The following ZNF638 variants were observed in gnomAD, a reference collection of about 807,000 sequenced individuals.
ZNF638 encodes zinc finger protein 638.
Under a neutral mutation model 195.6 loss-of-function variants are expected in ZNF638, and 46 were observed. The observed-to-expected ratio is 0.24, with a 90% CI of 0.19 to 0.30. The LOEUF (loss-of-function observed/expected upper bound fraction) is 0.30, where lower values mean the gene tolerates loss of function less well. Ranked by LOEUF, ZNF638 falls within the 10% of genes least tolerant of loss-of-function variation. The pLI is 1.00. For synonymous variants in ZNF638, 845 were observed against 772.0 expected (o/e 1.09, Z -1.57); for missense variants, 2,440 against 2,325.3 (o/e 1.05, Z -1.01).
intron 8 of ZNF638, among the ~76,000 whole-genome samples, chr2:71,377,496 T>C (rs2079452714): frequency 6.6e-6 from 1 of 152,118 alleles, no homozygotes; most frequent in Admixed American, 6.5e-5. Context: ...TTACAGAAAA[T>C]CTAATGAATT....
intron 8 of ZNF638, among the ~76,000 whole-genome samples, chr2:71,372,001 G>C (rs961902117): frequency 1.3e-5 from 2 of 152,174 alleles, no homozygotes; most frequent in African/African-American, 4.8e-5. Context: ...CCTGGAGAGA[G>C]AGTTCCTCCA....
chr2:71,420,816 A>G (rs1376915191), intron 21 of ZNF638, among the ~76,000 whole-genome samples: 1 of 152,212 alleles, frequency 6.6e-6, no homozygotes, highest in Non-Finnish European at 1.5e-5. Context: ...TTTTTCCCAT[A>G]TTAGCCAGAA....
At chr2:71,358,565 G>A (rs746494529) in intron 3 of ZNF638, among the ~76,000 whole-genome samples, 1 of 152,188 alleles carries the variant, frequency 6.6e-6, no homozygotes, top group African/African-American at 2.4e-5. Context: ...CTATTGTGGG[G>A]CTTAAGGGTT....
Position 71,426,977 on chromosome 2 carries a change from C to A in ZNF638, c.5108C>A (p.Ala1703Asp). 1 of 1,611,966 alleles carries A rather than the reference C, an allele frequency of 6.2e-7. No homozygotes were observed. The highest frequency in any genetic ancestry group is 8.5e-7 in the Non-Finnish European group (1 of 1,179,242). Residue 1703 changes from alanine to aspartate, a missense_variant, in exon 24 of 28, where the codon GCC (alanine) becomes GAC (aspartate). Ala to Asp is a moderately radical substitution (Grantham distance 126). This residue lies in a region of ZNF638 where 1,883 missense variants were observed against 1,739.1 expected (regional missense o/e 1.08). Transcript: ENST00000264447. Reference protein sequence around the residue: ...PLNESADITFATLNTKGNEGD... With the variant: ...PLNESADITFDTLNTKGNEGD... ...AATGAGTCAGCAGACATAACTTTTG[C>A]CACTTTAAATACTAAAGGAAATGAA...
intron 3 of ZNF638, among the ~76,000 whole-genome samples, chr2:71,362,172 C>G (rs2079120532): frequency 6.6e-6 from 1 of 152,088 alleles, no homozygotes; most frequent in Non-Finnish European, 1.5e-5. Context: ...ACTAGTTTTT[C>G]CGTGATTGCT....
In ZNF638 at chr2:71,386,957, TC is replaced by T. The variant is rs540374176; in HGVS notation, c.2377+6394del. Among the ~76,000 whole-genome samples, 568 of 152,136 alleles carry T rather than the reference TC, an allele frequency of 3.7e-3. 3 individuals carry two copies. Among genetic ancestry groups the T allele is most frequent in the African/African-American group, 0.013 (536 of 41,500 alleles). ...CCACCTCCCAGGTTCAAGTGCTTCT[TC>T]CACCTCATCCTCCTGAGTAGCTGGT... On this transcript the variant is annotated intron_variant, in intron 10 of 27. Coordinates refer to ENST00000264447, the MANE Select transcript of ZNF638 (RefSeq NM_014497.5).
chr2:71,350,345 C>G, intron 2 of ZNF638, 74 bp downstream of exon 2: 1 of 1,426,472 alleles, frequency 7.0e-7, no homozygotes, highest in Non-Finnish European at 9.5e-7. Context: ...GATATGTATG[C>G]TGCTTGTTAA....
intron 2 of ZNF638, among the ~76,000 whole-genome samples, chr2:71,354,973 T>G (rs967259858): frequency 5.3e-5 from 8 of 152,034 alleles, no homozygotes; most frequent in African/African-American, 1.9e-4. Flanking sequence ...TTTATTTTTA[T>G]TTTTATTTTT....
chr2:71,400,527 T>G lies in ZNF638; in HGVS notation c.2697+9T>G. On this transcript the variant is annotated intron_variant, in intron 15 of 27. Coordinates refer to ENST00000264447, the MANE Select transcript of ZNF638 (RefSeq NM_014497.5). ...ATGAACCACTTAACAAGGTCAGTTT[T>G]CATGTTTTATTTATTTCTTTAAAGC... is the stretch of plus-strand genomic sequence containing the variant. 6.3e-7 allele frequency: 1 copy of G among 1,595,646 alleles called. No homozygotes were observed. Among genetic ancestry groups the G allele is most frequent in the East Asian group, 2.3e-5 (1 of 44,308 alleles).
intron 20 of ZNF638, 30 bp from the exon 21 acceptor site, chr2:71,418,572 G>A: frequency 6.8e-7 from 1 of 1,465,414 alleles, no homozygotes; most frequent in Non-Finnish European, 9.1e-7. Flanking sequence ...CAGTGGAATA[G>A]CCTCTAATAA....
At chr2:71,419,168 C>T (rs1422583767) in intron 21 of ZNF638, among the ~76,000 whole-genome samples, 4 of 152,154 alleles carry the variant, frequency 2.6e-5, no homozygotes, top group Non-Finnish European at 5.9e-5. Context: ...AAACTGGTGA[C>T]TTACAGCCTT....
chr2:71,402,670 T>C (rs1431955110), intron 16 of ZNF638, among the ~76,000 whole-genome samples: 1 of 152,196 alleles, frequency 6.6e-6, no homozygotes, highest in Non-Finnish European at 1.5e-5. Flanking sequence ...AAATTTTCTA[T>C]AAGCATCTGT....
In ZNF638 at chr2:71,348,866, A is replaced by G; in HGVS notation, c.-89A>G. 6.2e-7 allele frequency: 1 copy of G among 1,612,798 alleles called. No individual in the cohort carries two copies. The highest frequency in any genetic ancestry group is 8.5e-7 in the Non-Finnish European group (1 of 1,179,902). ...TTGCACTTTGCTCAGATTAAGACTCAGTTGGCGCTTCAGCAGCTGAATGCC... is the reference window on the plus strand; with the variant it reads ...TTGCACTTTGCTCAGATTAAGACTCGGTTGGCGCTTCAGCAGCTGAATGCC... On this transcript the variant is annotated 5_prime_UTR_variant, in exon 2 of 28. Transcript: ENST00000264447.
intron 8 of ZNF638, among the ~76,000 whole-genome samples, chr2:71,377,915 T>TG (rs1366646013): frequency 6.6e-6 from 1 of 152,220 alleles, no homozygotes; most frequent in Non-Finnish European, 1.5e-5. Flanking sequence ...AAGAGTTGGG[T>TG]GGGAAAAAGA....
At chr2:71,380,376 C>T (rs373113374) in intron 9 of ZNF638, 96 bp downstream of exon 9, 8 of 1,111,194 alleles carry the variant, frequency 7.2e-6, no homozygotes, top group Non-Finnish European at 3.8e-6. Flanking sequence ...TATTTTATCA[C>T]TATAACTATA....
rs1266918382 is a variant in ZNF638, at chr2:71,427,021, T to G, written c.5152T>G (p.Ser1718Ala). Reference protein sequence around the residue: ...KGNEGDTVRDSIGFISSQVPE... With the variant: ...KGNEGDTVRDAIGFISSQVPE... Reference sequence around the variant, plus strand: ...AAATGAAGGAGATACTGTAAGGGATTCCATTGGCTTCATTTCTTCTCAGGT... The same window carrying G: ...AAATGAAGGAGATACTGTAAGGGATGCCATTGGCTTCATTTCTTCTCAGGT... Residue 1718 changes from serine (S) to alanine (A), a missense_variant, in exon 24 of 28, where the codon TCC becomes GCC. Around this residue, in one of 5 missense-constraint regions of ZNF638, gnomAD observed 1,883 missense variants for 1,739.1 expected, o/e 1.08. Transcript: ENST00000264447. 6.2e-7 allele frequency: 1 copy of G among 1,613,096 alleles called. No individual in the cohort carries two copies.
At chr2:71,409,304 C>G (rs1409376334) in intron 20 of ZNF638, among the ~76,000 whole-genome samples, 1 of 152,136 alleles carries the variant, frequency 6.6e-6, no homozygotes, top group Non-Finnish European at 1.5e-5. Context: ...ATAATCAACT[C>G]TATATTATCT....
At chr2:71,357,588 A>G (rs1447177436) in intron 3 of ZNF638, among the ~76,000 whole-genome samples, 3 of 152,208 alleles carry the variant, frequency 2.0e-5, no homozygotes, top group East Asian at 3.8e-4. Context: ...CATTCATGCT[A>G]GTAAGAGGAT....
At chr2:71,363,921 T>C (rs2079151436) in intron 4 of ZNF638, 33 bp from the exon 5 acceptor site, 1 of 1,578,088 alleles carries the variant, frequency 6.3e-7, no homozygotes. Flanking sequence ...ATTAAATTGC[T>C]GATCACTTTC....
Sources: allele counts gnomAD v4.1 joint callset (sites outside exome capture counted in the v4.1 genomes callset), GRCh38; gene constraint gnomAD v4.1.1; regional missense constraint gnomAD v4.1.1; transcripts MANE v1.5; gene names NCBI Gene and HGNC (gene_info 2026-07-23, HGNC 2026-07-21).